Variants in LIPJ observed in about 807,000 individuals in gnomAD.
The protein encoded by LIPJ is lipase member J.
LIPJ carries 33 observed loss-of-function variants against 39.8 expected under a neutral mutation model. The ratio of observed to expected loss-of-function variants is 0.83; its 90% CI spans 0.63 to 1.11. The LOEUF (loss-of-function observed/expected upper bound fraction) is 1.11, where lower values mean the gene tolerates loss of function less well. Ranked by LOEUF, LIPJ falls within the 50% of genes least tolerant of loss-of-function variation. The pLI is 0.00. For synonymous variants in LIPJ, 128 were observed against 139.2 expected, an observed-to-expected ratio of 0.92 and a Z score of 0.57; for missense variants, 422 against 427.9, an observed-to-expected ratio of 0.99 and a Z score of 0.12.
intron 10 of LIPJ, 151 bp from the exon 11 acceptor site, chr10:88,606,523 A>G: frequency 1.9e-6 from 1 of 524,502 alleles, no homozygotes; most frequent in African/African-American, 1.9e-5. Flanking sequence ...ATACTTTCAT[A>G]CCTTTGTCTC....
chr10:88,599,796 C>T (rs1004896345), intron 8 of LIPJ, among the ~76,000 whole-genome samples: 6 of 150,948 alleles, frequency 4.0e-5, no homozygotes, highest in Non-Finnish European at 7.4e-5. Flanking sequence ...TATTTTAAAG[C>T]TTGTCTTTTA....
chr10:88,598,184 A>C (rs1851326827), intron 8 of LIPJ, among the ~76,000 whole-genome samples: 1 of 151,986 alleles, frequency 6.6e-6, no homozygotes, highest in African/African-American at 2.4e-5. Flanking sequence ...CAGTCTCTTG[A>C]GCCTAGCAAG....
the LIPJ span, among the ~76,000 whole-genome samples, chr10:88,613,457 A>C: frequency 6.6e-5 from 10 of 152,058 alleles, no homozygotes; most frequent in African/African-American, 2.4e-4. Flanking sequence ...AAAGGTAAAA[A>C]GAGATTGAGT....
chr10:88,593,887 A>C, intron 4 of LIPJ, 59 bp from the exon 5 acceptor site: 1 of 1,444,020 alleles, frequency 6.9e-7, no homozygotes, highest in Admixed American at 2.1e-5. Context: ...TTTCAGATAA[A>C]AGATTTTCAT....
intron 10 of LIPJ, among the ~76,000 whole-genome samples, chr10:88,605,977 T>C (rs1365093560): frequency 6.6e-6 from 1 of 152,248 alleles, no homozygotes; most frequent in Non-Finnish European, 1.5e-5. Flanking sequence ...GGAAAAATAC[T>C]GCGTTTTTTA....
At chr10:88,618,022 A>T in the LIPJ span, among the ~76,000 whole-genome samples, 1 of 152,174 alleles carries the variant, frequency 6.6e-6, no homozygotes, top group African/African-American at 2.4e-5. Context: ...ATATGAGAAA[A>T]AGTTGAGTTT....
chr10:88,596,232 G>T, intron 6 of LIPJ, 48 bp from the exon 7 acceptor site: 1 of 1,172,392 alleles, frequency 8.5e-7, no homozygotes, highest in Non-Finnish European at 1.1e-6. Flanking sequence ...TTACATGCTA[G>T]TAATTGCTTA....
At chr10:88,606,626 A>T in intron 10 of LIPJ, 48 bp from the exon 11 acceptor site, 1 of 1,111,088 alleles carries the variant, frequency 9.0e-7, no homozygotes, top group Non-Finnish European at 1.3e-6. Context: ...AAAACCTTCT[A>T]CTGTATCATC....
At chr10:88,584,411 A>G (rs1850834033), upstream of LIPJ, 1 of 152,246 alleles carries the variant, frequency 6.6e-6, no homozygotes, top group Non-Finnish European at 1.5e-5. Context: ...ATGAAAGATT[A>G]AAGTTAATAT....
chr10:88,603,887 G>A (rs930252554), intron 9 of LIPJ, among the ~76,000 whole-genome samples: 13 of 152,202 alleles, frequency 8.5e-5, no homozygotes, highest in African/African-American at 3.1e-4. Flanking sequence ...CTCTGGTGAT[G>A]CGTAGACTAG....
intron 8 of LIPJ, among the ~76,000 whole-genome samples, chr10:88,598,132 GTTTGGAAATA>G (rs1270219675): frequency 1.3e-5 from 2 of 151,968 alleles, no homozygotes; most frequent in African/African-American, 2.4e-5. Context: ...CGCACAGTGT[GTTTGGAAATA>G]GTTAATTGTG....
At chr10:88,596,349 T>A (rs756343365) in exon 7 of LIPJ, 1 of 1,562,448 alleles carries the variant, frequency 6.4e-7, no homozygotes, top group Admixed American at 1.9e-5. Flanking sequence ...TTAGCACCAG[T>A]TTTTTCCACA....
intron 10 of LIPJ, 122 bp downstream of exon 10, chr10:88,605,826 G>A: frequency 1.6e-6 from 1 of 642,910 alleles, no homozygotes; most frequent in Non-Finnish European, 2.7e-6. Flanking sequence ...ACCAGCAGAT[G>A]AAGATAATGT....
At chr10:88,614,606 A>G in the LIPJ span, among the ~76,000 whole-genome samples, 39 of 152,250 alleles carry the variant, frequency 2.6e-4, no homozygotes, top group Admixed American at 1.8e-3. Flanking sequence ...AAGACTTGGT[A>G]TTGTTGATAT....
At position 88,596,344 on chromosome 10, in the gene LIPJ, AC is replaced by A; in HGVS notation, c.506del (p.Pro169GlnfsTer8). ...GAATCAAAATATTTTTTGCTTTAGC[AC>A]CAGTTTTTTCCACAAAGTACTTAAA... On this transcript the variant is annotated frameshift_variant, in exon 7 of 11. Transcript: ENST00000371939. LOFTEE classifies it high-confidence loss of function. 1 of 1,561,728 alleles carries A rather than the reference AC, an allele frequency of 6.4e-7. No homozygotes were observed. Among genetic ancestry groups the A allele is most frequent in the Admixed American group, 1.9e-5 (1 of 53,288 alleles).
upstream of LIPJ, chr10:88,583,394 G>A (rs1227225823): frequency 9.4e-6 from 13 of 1,378,970 alleles, no homozygotes; most frequent in Non-Finnish European, 1.2e-5. Flanking sequence ...TCCTTGAGGA[G>A]CAAACCTGGG....
At chr10:88,604,910 C>T (rs972217753) in intron 9 of LIPJ, among the ~76,000 whole-genome samples, 1 of 152,090 alleles carries the variant, frequency 6.6e-6, no homozygotes, top group Non-Finnish European at 1.5e-5. Context: ...GAGCAAGATC[C>T]TTTCGAGCAA....
the LIPJ span, among the ~76,000 whole-genome samples, chr10:88,612,397 G>A: frequency 6.6e-6 from 1 of 152,106 alleles, no homozygotes; most frequent in South Asian, 2.1e-4. Context: ...AACATTGAAT[G>A]TAAATGGCCT....
rs1303947186 is a variant in LIPJ, at chr10:88,605,705, G to A, written c.867+1G>A. Reference sequence around the variant, plus strand: ...TCTGAACTTGGTTCATTATAATCAGGTACATAATTCTCTATAAAAACTCTC... The same window carrying A: ...TCTGAACTTGGTTCATTATAATCAGATACATAATTCTCTATAAAAACTCTC... On this transcript the variant is annotated splice_donor_variant, in intron 10 of 10. Transcript: ENST00000371939. LOFTEE classifies it high-confidence loss of function. 6 of 1,596,106 alleles carry A rather than the reference G, an allele frequency of 3.8e-6. No individual in the cohort carries two copies. In the South Asian group the frequency reaches 5.5e-5, roughly 15 times the overall value.
Sources: allele counts gnomAD v4.1 joint callset (sites outside exome capture counted in the v4.1 genomes callset), GRCh38; gene constraint gnomAD v4.1.1; transcripts MANE v1.5; gene names NCBI Gene and HGNC (gene_info 2026-07-23, HGNC 2026-07-21).